Variants in LRPPRC observed in about 807,000 individuals in gnomAD.
LRPPRC encodes leucine-rich PPR motif-containing protein, mitochondrial.
In LRPPRC, 120 loss-of-function variants were observed where a neutral mutation model predicts 180.3. That is an observed-to-expected ratio of 0.67 (90% CI 0.57 to 0.77). The LOEUF is 0.77. Ranked by LOEUF, LRPPRC falls within the 30% of genes least tolerant of loss-of-function variation. The pLI is 0.00. For synonymous variants in LRPPRC, 723 were observed against 600.0 expected (o/e 1.21, Z -3.00); for missense variants, 2,012 against 1,657.2 (o/e 1.21, Z -3.72).
chr2:43,949,637 T>C lies in LRPPRC; in HGVS notation c.1700A>G (p.Asp567Gly). The C allele has an allele frequency of 1.2e-6, 2 of 1,613,992 alleles. No individual in the cohort carries two copies. The highest frequency in any genetic ancestry group is 1.1e-5 in the South Asian group (1 of 91,062). ...TCGAGGCTCCTGGCAATAACGTCCA[T>C]CCTTGTACAACAATTCTGTTATCTG... ...WSEITELLYK[D>G]GRYCQEPRGP... Residue 567 changes from aspartate to glycine, a missense_variant, in exon 16 of 38, where the codon GAT becomes GGT. By Grantham distance (94) the Asp-to-Gly change is moderately conservative. Coordinates refer to ENST00000260665, the MANE Select transcript of LRPPRC (RefSeq NM_133259.4).
At chr2:43,966,029 G>C (rs1239504545) in intron 11 of LRPPRC, among the ~76,000 whole-genome samples, 3 of 152,112 alleles carry the variant, frequency 2.0e-5, no homozygotes, top group Non-Finnish European at 4.4e-5. Flanking sequence ...GTTCATCCCA[G>C]CATTATTCAC....
chr2:43,925,824 G>A (rs1368424253), intron 26 of LRPPRC, 69 bp downstream of exon 26: 8 of 988,074 alleles, frequency 8.1e-6, no homozygotes, highest in South Asian at 2.5e-5. Flanking sequence ...AAATCTTCAT[G>A]TGATACAGAG....
intron 22 of LRPPRC, among the ~76,000 whole-genome samples, chr2:43,944,875 A>G (rs1672620565): frequency 6.6e-6 from 1 of 152,102 alleles, no homozygotes; most frequent in Non-Finnish European, 1.5e-5. Flanking sequence ...TAAAAACTTT[A>G]AAGTATATAT....
At chr2:43,954,765 C>A (rs1673040519) in intron 14 of LRPPRC, among the ~76,000 whole-genome samples, 2 of 152,012 alleles carry the variant, frequency 1.3e-5, no homozygotes, top group African/African-American at 2.4e-5. Flanking sequence ...GAATCTGAGT[C>A]CATTAATAAA....
chr2:43,903,538 C>A (rs1348819782), intron 31 of LRPPRC: 1 of 134,262 alleles, frequency 7.4e-6, no homozygotes, highest in Non-Finnish European at 1.5e-5. Context: ...GATCATTTTA[C>A]TCTAACAACA....
At chr2:43,957,113 A>G (rs979365496) in intron 14 of LRPPRC, among the ~76,000 whole-genome samples, 2 of 152,238 alleles carry the variant, frequency 1.3e-5, no homozygotes, top group Non-Finnish European at 2.9e-5. Context: ...ATTGGTCTGT[A>G]ACTCCAACTT....
chr2:43,928,778 A>T (rs1671980315), intron 25 of LRPPRC, among the ~76,000 whole-genome samples: 2 of 151,930 alleles, frequency 1.3e-5, no homozygotes, highest in Admixed American at 6.6e-5. Flanking sequence ...AAAAAAGAAA[A>T]CAACATCCCC....
chr2:43,933,816 G>C (rs867584543), intron 25 of LRPPRC, among the ~76,000 whole-genome samples: 1 of 152,166 alleles, frequency 6.6e-6, no homozygotes, highest in African/African-American at 2.4e-5. Context: ...ATGGTCTGCA[G>C]CAAATTAAAT....
At chr2:43,915,989 TCCTGGACTCAAGTGATCTG>T (rs1340393894) in intron 29 of LRPPRC, among the ~76,000 whole-genome samples, 27 of 152,288 alleles carry the variant, frequency 1.8e-4, no homozygotes, top group African/African-American at 6.3e-4. Flanking sequence ...GGTCTCAAAC[TCCTGGACTCAAGTGATCTG>T]CCCACCTTGG....
chr2:43,983,008 T>C (rs1481426524), intron 1 of LRPPRC, among the ~76,000 whole-genome samples: 1 of 152,126 alleles, frequency 6.6e-6, no homozygotes, highest in Non-Finnish European at 1.5e-5. Context: ...TTAATAGTGA[T>C]AAGGCTCTTA....
In LRPPRC at chr2:43,975,190, G is replaced by C. The variant is rs778846857; in HGVS notation, c.765C>G (p.Leu255=). 2 of 1,613,260 alleles carry C rather than the reference G, an allele frequency of 1.2e-6. No individual in the cohort carries two copies. Among genetic ancestry groups the C allele is most frequent in the Non-Finnish European group, 8.5e-7 (1 of 1,179,818 alleles). ...AGDMENAENI[L]TVMRDAGIEP... ...CAATTCCGGCATCTCTCATCACTGT[G>C]AGAATGTTTTCTGCATTCTCCATAT... The change falls in exon 7 of 38, where the codon CTC becomes CTG. Residue 255 remains leucine (L), a synonymous_variant. Coordinates refer to ENST00000260665, the MANE Select transcript of LRPPRC (RefSeq NM_133259.4).
In LRPPRC at chr2:43,973,923, T is replaced by C. The variant is rs758158295; in HGVS notation, c.1156-23A>G. On this transcript the variant is annotated intron_variant, in intron 9 of 37. Coordinates refer to ENST00000260665, the MANE Select transcript of LRPPRC (RefSeq NM_133259.4). Reference sequence around the variant, plus strand: ...AGGCTGTGGGAAAAAAGTCACCACATTAGCTGGATTGGCAAACACCCCACC... The same window carrying C: ...AGGCTGTGGGAAAAAAGTCACCACACTAGCTGGATTGGCAAACACCCCACC... 12 of 1,406,090 alleles carry C rather than the reference T, an allele frequency of 8.5e-6. No individual in the cohort carries two copies. In the Admixed American group the frequency reaches 2.0e-4, roughly 24 times the overall value. 87.1% of individuals were successfully genotyped at this position (1,406,090 alleles called of 1,614,324 possible).
intron 11 of LRPPRC, among the ~76,000 whole-genome samples, chr2:43,967,272 T>C (rs966015866): frequency 2.0e-5 from 3 of 151,678 alleles, no homozygotes; most frequent in Non-Finnish European, 2.9e-5. Context: ...GCCATGGTAA[T>C]ATGAGCCTGT....
chr2:43,963,451 A>G lies in LRPPRC; in HGVS notation c.1488+137T>C, dbSNP rs560388835. On this transcript the variant is annotated intron_variant, in intron 12 of 37. Transcript: ENST00000260665. The stretch of plus-strand genomic sequence containing the variant: ...GAGAGAGAAACTCCATCTCAAAAAA[A>G]AGAAAAAAAGAAAATTGTATACAGA... 2.3e-4 allele frequency: 163 copies of G among 700,732 alleles called. 1 individual carries two copies. In the African/African-American group the frequency reaches 2.4e-3, roughly 10 times the overall value. 43.4% of individuals were successfully genotyped at this position (700,732 alleles called of 1,614,324 possible).
At chr2:43,982,001 G>C (rs1674329871) in intron 2 of LRPPRC, among the ~76,000 whole-genome samples, 1 of 152,074 alleles carries the variant, frequency 6.6e-6, no homozygotes, top group Non-Finnish European at 1.5e-5. Context: ...TCTGCCTCCT[G>C]GGTTCAAGCG....
rs2103712382 is a variant in LRPPRC at position 43,974,042 on chromosome 2, T to TTG, written c.1155+106_1155+107dup. On this transcript the variant is annotated intron_variant, in intron 9 of 37. Transcript: ENST00000260665. ...CCAAAAATCTTGCAACACAAGAACA[T>TTG]TGTTATGATGTTTACAACTGGTCTA... is the stretch of plus-strand genomic sequence containing the variant. 5 of 1,260,254 alleles carry TTG rather than the reference T, an allele frequency of 4.0e-6. No homozygotes were observed. The South Asian group carries it at 4.8e-5, about 12-fold the overall frequency. 78.1% of individuals were successfully genotyped at this position (1,260,254 alleles called of 1,614,324 possible). A position where few individuals can be genotyped will look rare whatever the true frequency, so the allele number is the denominator to read the frequency against.
chr2:43,968,731 G>GGA (rs1469103512), intron 11 of LRPPRC, among the ~76,000 whole-genome samples: 3 of 152,194 alleles, frequency 2.0e-5, no homozygotes, highest in African/African-American at 7.2e-5. Context: ...CTAGGGTGAG[G>GGA]GAGATATTGG....
intron 25 of LRPPRC, among the ~76,000 whole-genome samples, chr2:43,933,653 T>C (rs1255496668): frequency 2.0e-5 from 3 of 152,046 alleles, no homozygotes; most frequent in Non-Finnish European, 4.4e-5. Context: ...TAATCCTAAA[T>C]AGGCCAGGTT....
chr2:43,946,314 C>A, intron 20 of LRPPRC, 71 bp from the exon 21 acceptor site: 1 of 1,213,058 alleles, frequency 8.2e-7, no homozygotes, highest in Non-Finnish European at 1.2e-6. Context: ...TTTAGCTTTA[C>A]TGTTCAGAGT....
Sources: allele counts gnomAD v4.1 joint callset (sites outside exome capture counted in the v4.1 genomes callset), GRCh38; gene constraint gnomAD v4.1.1; transcripts MANE v1.5; gene names NCBI Gene and HGNC (gene_info 2026-07-23, HGNC 2026-07-21).